Variants in NXPH1 observed in about 807,000 individuals in gnomAD.
The protein encoded by NXPH1 is neurexophilin 1.
Under a neutral mutation model 23.7 loss-of-function variants are expected in NXPH1, and 5 were observed. That is an observed-to-expected ratio of 0.21 (90% CI 0.11 to 0.44). The LOEUF is 0.44. NXPH1 is among the 20% of genes least tolerant of loss of function. The pLI is 0.99. For synonymous variants in NXPH1, 144 were observed against 122.2 expected, an observed-to-expected ratio of 1.18 and a Z score of -1.18; for missense variants, 324 against 321.6, an observed-to-expected ratio of 1.01 and a Z score of -0.06.
chr7:8,537,107 G>A (rs1045762659), intron 2 of NXPH1, among the ~76,000 whole-genome samples: 1 of 151,890 alleles, frequency 6.6e-6, no homozygotes, highest in Non-Finnish European at 1.5e-5. Flanking sequence ...TCTCAGCATA[G>A]CATGCTTTTG....
At chr7:8,630,824 T>C (rs1820110387) in intron 2 of NXPH1, among the ~76,000 whole-genome samples, 1 of 152,192 alleles carries the variant, frequency 6.6e-6, no homozygotes, top group African/African-American at 2.4e-5. Flanking sequence ...GTTTGTTAAA[T>C]AAATAAACTT....
chr7:8,543,373 C>T (rs1259248650), intron 2 of NXPH1, among the ~76,000 whole-genome samples: 13 of 151,672 alleles, frequency 8.6e-5, no homozygotes, highest in Non-Finnish European at 1.9e-4. Context: ...CTTCTCTGAA[C>T]TCCTACAGAA....
chr7:8,610,669 T>C (rs1819598360), intron 2 of NXPH1, among the ~76,000 whole-genome samples: 1 of 151,960 alleles, frequency 6.6e-6, no homozygotes. Flanking sequence ...TTACAACTGG[T>C]TTCTATTTTC....
At chr7:8,436,254 T>C (rs1293026947) in intron 2 of NXPH1, among the ~76,000 whole-genome samples, 1 of 152,206 alleles carries the variant, frequency 6.6e-6, no homozygotes, top group Non-Finnish European at 1.5e-5. Context: ...GTTAACTTTC[T>C]TTGACTTGTA....
intron 2 of NXPH1, among the ~76,000 whole-genome samples, chr7:8,704,450 A>G (rs1018849272): frequency 1.3e-5 from 2 of 152,068 alleles, no homozygotes; most frequent in Non-Finnish European, 2.9e-5. Flanking sequence ...TGAGAAATAC[A>G]TTGACAAATA....
intron 2 of NXPH1, among the ~76,000 whole-genome samples, chr7:8,647,581 C>A (rs1820416475): frequency 6.6e-6 from 1 of 151,648 alleles, no homozygotes; most frequent in African/African-American, 2.4e-5. Context: ...TCTTGAAATT[C>A]TTTTGTGTGG....
intron 2 of NXPH1, among the ~76,000 whole-genome samples, chr7:8,444,614 G>A (rs1816364591): frequency 4.6e-5 from 7 of 152,228 alleles, no homozygotes; most frequent in Admixed American, 4.6e-4. Context: ...CTGTACAGGT[G>A]TCTTCGCAGT....
intron 2 of NXPH1, among the ~76,000 whole-genome samples, chr7:8,516,425 G>A (rs1584205291): frequency 1.3e-5 from 2 of 152,132 alleles, no homozygotes; most frequent in Admixed American, 1.3e-4. Flanking sequence ...AACACAAAGA[G>A]CATTACAGTG....
chr7:8,657,236 C>A (rs1467472594), intron 2 of NXPH1, among the ~76,000 whole-genome samples: 1 of 152,078 alleles, frequency 6.6e-6, no homozygotes, highest in East Asian at 1.9e-4. Context: ...ACCATAAATG[C>A]CATAAGGTAG....
intron 2 of NXPH1, among the ~76,000 whole-genome samples, chr7:8,497,104 G>T (rs924198885): frequency 3.9e-5 from 6 of 152,040 alleles, no homozygotes; most frequent in African/African-American, 1.4e-4. Flanking sequence ...GAGTGAGAAC[G>T]TGCAGTGTTT....
At chr7:8,563,217 T>C (rs905588542) in intron 2 of NXPH1, among the ~76,000 whole-genome samples, 5 of 151,908 alleles carry the variant, frequency 3.3e-5, no homozygotes, top group Non-Finnish European at 5.9e-5. Flanking sequence ...CTTGAATTCT[T>C]TATCTGATTT....
intron 2 of NXPH1, among the ~76,000 whole-genome samples, chr7:8,722,379 G>A (rs1232408406): frequency 6.6e-6 from 1 of 152,094 alleles, no homozygotes; most frequent in Non-Finnish European, 1.5e-5. Flanking sequence ...TTGCCTCTGT[G>A]TTATCATTTG....
intron 2 of NXPH1, among the ~76,000 whole-genome samples, chr7:8,552,135 A>C (rs1245973705): frequency 2.0e-5 from 3 of 150,470 alleles, no homozygotes; most frequent in East Asian, 2.0e-4. Context: ...AAAAAAAAAA[A>C]AAAAAAACCA....
intron 2 of NXPH1, among the ~76,000 whole-genome samples, chr7:8,577,905 C>T (rs1818785255): frequency 6.6e-6 from 1 of 152,186 alleles, no homozygotes; most frequent in South Asian, 2.1e-4. Flanking sequence ...TTGTGAGCCA[C>T]ATGAGTGAGC....
At chr7:8,552,218 C>T (rs936663753) in intron 2 of NXPH1, among the ~76,000 whole-genome samples, 1 of 150,590 alleles carries the variant, frequency 6.6e-6, no homozygotes, top group Non-Finnish European at 1.5e-5. Flanking sequence ...GTCCTTGGTC[C>T]AGGAGTACTA....
chr7:8,496,423 C>G (rs59979262), intron 2 of NXPH1, among the ~76,000 whole-genome samples: 2,462 of 152,112 alleles, frequency 0.016, 58 homozygotes, highest in African/African-American at 0.051. Context: ...TCTTGACACT[C>G]TAATTTCTAA....
intron 2 of NXPH1, among the ~76,000 whole-genome samples, chr7:8,484,625 C>A (rs1168944055): frequency 1.3e-5 from 2 of 152,042 alleles, no homozygotes; most frequent in Admixed American, 6.6e-5. Flanking sequence ...ATTTACTGAA[C>A]TTGTTTGAGT....
rs555804949 is a variant in NXPH1 at position 8,575,958 on chromosome 7, C to T, written c.54+140191C>T. On this transcript the variant is annotated intron_variant, in intron 2 of 2. Coordinates refer to ENST00000405863, the MANE Select transcript of NXPH1 (RefSeq NM_152745.3). Reference sequence around the variant, plus strand: ...CTAAATGAAAAAGAACTGCTATCAACAAACTTATATTTCAAGATTATTAGA... The same window carrying T: ...CTAAATGAAAAAGAACTGCTATCAATAAACTTATATTTCAAGATTATTAGA... 9.9e-5 allele frequency among the ~76,000 whole-genome samples: 15 copies of T among 152,188 alleles called. 1 individual carries two copies. In the East Asian group the frequency reaches 1.2e-3, roughly 12 times the overall value.
At chr7:8,440,757 G>A (rs1055116618) in intron 2 of NXPH1, among the ~76,000 whole-genome samples, 1 of 151,994 alleles carries the variant, frequency 6.6e-6, no homozygotes, top group Non-Finnish European at 1.5e-5. Context: ...GATTTTATAG[G>A]GGGTGGGGAG....
Sources: gnomAD v4.1 joint callset for allele counts (sites outside exome capture counted in the v4.1 genomes callset) on GRCh38, gnomAD v4.1.1 for gene constraint, MANE v1.5 for transcripts, NCBI Gene and HGNC (gene_info 2026-07-23, HGNC 2026-07-21) for gene names.